Variants in HS3ST4 observed in about 807,000 individuals in gnomAD.
HS3ST4 encodes the protein heparan sulfate glucosamine 3-O-sulfotransferase 4.
HS3ST4 carries 17 observed loss-of-function variants against 29.2 expected under a neutral mutation model. That is an observed-to-expected ratio of 0.58 (90% CI 0.40 to 0.87). The LOEUF (loss-of-function observed/expected upper bound fraction) is 0.87, where lower values mean the gene tolerates loss of function less well. Among genes scored for constraint, HS3ST4 ranks in the 40% least tolerant of loss-of-function variants. The pLI, the probability that HS3ST4 is intolerant of heterozygous loss-of-function variation, is 0.00. For missense variants in HS3ST4, 627 were observed against 634.5 expected (o/e 0.99, Z 0.13); for synonymous variants, 314 against 285.7 (o/e 1.10, Z -1.00).
intron 1 of HS3ST4, among the ~76,000 whole-genome samples, chr16:25,914,616 TG>T (rs1401589229): frequency 6.7e-6 from 1 of 149,188 alleles, no homozygotes; most frequent in African/African-American, 2.5e-5. Flanking sequence ...GTAGGGTGTG[TG>T]GGGTGTGTGT....
At chr16:26,074,828 T>A (rs1898641289) in intron 1 of HS3ST4, among the ~76,000 whole-genome samples, 1 of 152,206 alleles carries the variant, frequency 6.6e-6, no homozygotes, top group Non-Finnish European at 1.5e-5. Context: ...GCCCCGACTC[T>A]GAGCTTCAAG....
At position 25,808,710 on chromosome 16, in the gene HS3ST4, A is replaced by G. The variant is rs550485211; in HGVS notation, c.734+115559A>G. Among the ~76,000 whole-genome samples, 10 of 152,270 alleles carry G rather than the reference A, an allele frequency of 6.6e-5. No homozygotes were observed. In the South Asian group the frequency reaches 1.9e-3, roughly 28 times the overall value. ...ATAGATCACTATGGGGAGACTTGACATCTTTACTGTGCTGCTGAGTCTTCC... is the reference window on the plus strand; with the variant it reads ...ATAGATCACTATGGGGAGACTTGACGTCTTTACTGTGCTGCTGAGTCTTCC... On this transcript the variant is annotated intron_variant, in intron 1 of 1. Transcript: ENST00000331351.
At chr16:25,705,651 A>T (rs1200974103) in intron 1 of HS3ST4, among the ~76,000 whole-genome samples, 1 of 152,124 alleles carries the variant, frequency 6.6e-6, no homozygotes, top group Non-Finnish European at 1.5e-5. Context: ...TGATGAAGCC[A>T]GTTTCCATCC....
intron 1 of HS3ST4, among the ~76,000 whole-genome samples, chr16:26,010,179 C>A (rs1969297498): frequency 6.6e-6 from 1 of 152,090 alleles, no homozygotes; most frequent in Non-Finnish European, 1.5e-5. Context: ...TGTGGCCCGG[C>A]GCGGTGACTC....
intron 1 of HS3ST4, among the ~76,000 whole-genome samples, chr16:25,996,455 T>C (rs2141731301): frequency 6.6e-6 from 1 of 152,332 alleles, no homozygotes; most frequent in East Asian, 1.9e-4. Context: ...TGAAATTTAA[T>C]ATATAGTATA....
chr16:25,725,713 A>G (rs933373313), intron 1 of HS3ST4, among the ~76,000 whole-genome samples: 2 of 150,880 alleles, frequency 1.3e-5, no homozygotes, highest in Non-Finnish European at 3.0e-5. Context: ...AAAAATATAG[A>G]TTGCACATTA....
chr16:25,953,226 A>AC (rs1275820020), intron 1 of HS3ST4, among the ~76,000 whole-genome samples: 1 of 152,074 alleles, frequency 6.6e-6, no homozygotes, highest in Non-Finnish European at 1.5e-5. Flanking sequence ...CCAAGGTGTG[A>AC]TGGCTTCAGG....
At chr16:26,103,952 C>T (rs915446769) in intron 1 of HS3ST4, among the ~76,000 whole-genome samples, 2 of 152,148 alleles carry the variant, frequency 1.3e-5, no homozygotes, top group African/African-American at 2.4e-5. Context: ...CACTCACACA[C>T]GAAATACAAA....
At chr16:25,701,206 T>A (rs2141580619) in intron 1 of HS3ST4, among the ~76,000 whole-genome samples, 1 of 152,360 alleles carries the variant, frequency 6.6e-6, no homozygotes, top group East Asian at 1.9e-4. Context: ...ACATATTTTA[T>A]GTTTATTAAT....
intron 1 of HS3ST4, among the ~76,000 whole-genome samples, chr16:25,717,513 GT>G (rs1567226058): frequency 0.036 from 1,637 of 45,302 alleles, 33 homozygotes; most frequent in African/African-American, 0.16. Flanking sequence ...GTGAAGGGGT[GT>G]GTGTGTGTGT....
chr16:26,073,899 A>C (rs577205509), intron 1 of HS3ST4, among the ~76,000 whole-genome samples: 4 of 152,304 alleles, frequency 2.6e-5, no homozygotes, highest in African/African-American at 9.6e-5. Context: ...GGGTTACCAC[A>C]GGACTGAATA....
rs13329857 is a variant in HS3ST4 at position 25,828,204 on chromosome 16, T to G, written c.734+135053T>G. 1.1e-3 allele frequency among the ~76,000 whole-genome samples: 172 copies of G among 149,654 alleles called. 1 individual carries two copies. Among genetic ancestry groups the G allele is most frequent in the South Asian group, 2.4e-3 (11 of 4,608 alleles). On this transcript the variant is annotated intron_variant, in intron 1 of 1. Transcript: ENST00000331351. ...TTTCTCTTTCTTTCTTTTCTTTCTTTCTTGCTTGCTTTCTTTCCTTTCTTT... is the reference window on the plus strand; with the variant it reads ...TTTCTCTTTCTTTCTTTTCTTTCTTGCTTGCTTGCTTTCTTTCCTTTCTTT...
At chr16:25,733,991 C>T (rs1399813477) in intron 1 of HS3ST4, among the ~76,000 whole-genome samples, 2 of 152,174 alleles carry the variant, frequency 1.3e-5, no homozygotes, top group South Asian at 2.1e-4. Context: ...GTGGCATGCA[C>T]CTGTAGTCCC....
intron 1 of HS3ST4, among the ~76,000 whole-genome samples, chr16:25,839,194 A>G (rs1253581704): frequency 6.6e-6 from 1 of 152,220 alleles, no homozygotes; most frequent in African/African-American, 2.4e-5. Context: ...TGGAACAAAG[A>G]TAATATATTT....
At chr16:25,936,066 C>G (rs920216232) in intron 1 of HS3ST4, among the ~76,000 whole-genome samples, 1 of 152,156 alleles carries the variant, frequency 6.6e-6, no homozygotes, top group East Asian at 1.9e-4. Flanking sequence ...GCCACCACAT[C>G]CAGCCGAAAT....
At chr16:25,963,524 T>G (rs963319762) in intron 1 of HS3ST4, among the ~76,000 whole-genome samples, 3 of 152,232 alleles carry the variant, frequency 2.0e-5, no homozygotes, top group African/African-American at 7.2e-5. Flanking sequence ...TGACTTCCTG[T>G]CCTGTTTTCA....
At chr16:25,765,926 G>T (rs1966816045) in intron 1 of HS3ST4, among the ~76,000 whole-genome samples, 1 of 152,124 alleles carries the variant, frequency 6.6e-6, no homozygotes, top group African/African-American at 2.4e-5. Flanking sequence ...AAGGGAGAGG[G>T]CTTGGCTCAA....
At chr16:26,019,683 A>C (rs143490427) in intron 1 of HS3ST4, among the ~76,000 whole-genome samples, 131 of 152,240 alleles carry the variant, frequency 8.6e-4, no homozygotes, top group African/African-American at 3.1e-3. Flanking sequence ...CCAGATCTGC[A>C]CAACGTTGCC....
chr16:26,045,056 A>G (rs976178243), intron 1 of HS3ST4, among the ~76,000 whole-genome samples: 7 of 152,168 alleles, frequency 4.6e-5, no homozygotes, highest in African/African-American at 1.4e-4. Flanking sequence ...TGTAATTTGT[A>G]TATCAACCTG....
Sources: gnomAD v4.1 joint callset for allele counts (sites outside exome capture counted in the v4.1 genomes callset) on GRCh38, gnomAD v4.1.1 for gene constraint, MANE v1.5 for transcripts, NCBI Gene and HGNC (gene_info 2026-07-23, HGNC 2026-07-21) for gene names.